Variants in MFN2 observed in about 807,000 individuals in gnomAD.
MFN2 encodes the protein mitofusin-2.
Under a neutral mutation model 87.5 loss-of-function variants are expected in MFN2, and 43 were observed. The observed-to-expected ratio is 0.49, with a 90% CI of 0.38 to 0.63. MFN2 has a LOEUF of 0.63. MFN2 is among the 30% of genes least tolerant of loss of function. The pLI is 0.00. For missense variants in MFN2, 743 were observed against 972.8 expected (o/e 0.76, Z 3.14); for synonymous variants, 337 against 359.9 (o/e 0.94, Z 0.72).
chr1:12,002,738 T>G (rs979506160), intron 11 of MFN2, among the ~76,000 whole-genome samples: 4 of 152,218 alleles, frequency 2.6e-5, no homozygotes, highest in Non-Finnish European at 5.9e-5. Context: ...ATTGACTTTC[T>G]CAGTTGTTTA....
At chr1:11,982,163 CA>C (rs1437416657) in intron 2 of MFN2, 49 bp downstream of exon 2, 2 of 152,218 alleles carry the variant, frequency 1.3e-5, no homozygotes, top group Admixed American at 6.5e-5. Flanking sequence ...GCTGAGTGGA[CA>C]GGGGTGTGCT....
chr1:12,006,951 G>C (rs1569870086), intron 16 of MFN2, 102 bp from the exon 17 acceptor site: 6 of 1,452,916 alleles, frequency 4.1e-6, no homozygotes, highest in Non-Finnish European at 5.8e-6. Flanking sequence ...AAACATGAAG[G>C]CTCCTTGGCT....
chr1:12,009,857 T>C, intron 18 of MFN2, 131 bp downstream of exon 18: 2 of 1,356,998 alleles, frequency 1.5e-6, no homozygotes, highest in Non-Finnish European at 2.0e-6. Context: ...TCATTCGTGT[T>C]AGATGTGTAC....
chr1:11,990,252 C>T (rs998176107), intron 3 of MFN2, among the ~76,000 whole-genome samples: 16 of 152,258 alleles, frequency 1.1e-4, no homozygotes, highest in African/African-American at 3.9e-4. Flanking sequence ...AAGAAAGAGA[C>T]TGTCCAACTT....
intron 2 of MFN2, among the ~76,000 whole-genome samples, chr1:11,988,263 G>A (rs1007292366): frequency 2.6e-5 from 4 of 151,764 alleles, no homozygotes; most frequent in Non-Finnish European, 4.4e-5. Flanking sequence ...CACCACACCC[G>A]GCTATATTTT....
Position 12,007,252 on chromosome 1 carries a change from G to C in MFN2, c.2069+3G>C. ...AACTGCAGCCACCAAGTCCAGCAGT[G>C]AGTGGCCCTGTCGGACCCCAGCAGG... On this transcript the variant is annotated splice_donor_region_variant and intron_variant, in intron 17 of 18. Transcript: ENST00000235329. The C allele has an allele frequency of 6.2e-7, 1 of 1,613,682 alleles. No individual in the cohort carries two copies.
chr1:11,980,691 G>C (rs1645966216), intron 1 of MFN2, among the ~76,000 whole-genome samples: 1 of 152,198 alleles, frequency 6.6e-6, no homozygotes, highest in Non-Finnish European at 1.5e-5. Flanking sequence ...CTGGTCGGTG[G>C]GGTCCCCTGT....
rs902049376 is a variant in MFN2, at chr1:12,012,436, G to A, written c.*871G>A. 4.6e-5 allele frequency: 7 copies of A among 152,710 alleles called. No homozygotes were observed. The highest frequency in any genetic ancestry group is 3.8e-4 in the East Asian group (2 of 5,214). The allele number at this position is 152,710 out of a possible 1,614,324, so 9.5% of individuals were successfully genotyped here. The stretch of plus-strand genomic sequence containing the variant: ...AGGATGGATGGTGGAAGGTGGGGAC[G>A]TTGGTGGCTGGCTGAGGTGCATGGG... On this transcript the variant is annotated 3_prime_UTR_variant, in exon 19 of 19. Coordinates refer to ENST00000235329, the MANE Select transcript of MFN2 (RefSeq NM_014874.4).
Position 11,996,153 on chromosome 1 carries a change from T to C in MFN2, c.312-3T>C. The C allele has an allele frequency of 6.2e-7, 1 of 1,614,182 alleles. No homozygotes were observed. The highest frequency in any genetic ancestry group is 8.5e-7 in the Non-Finnish European group (1 of 1,180,034). On this transcript the variant is annotated splice_region_variant and splice_polypyrimidine_tract_variant and intron_variant, in intron 4 of 18. Transcript: ENST00000235329. The stretch of plus-strand genomic sequence containing the variant: ...TTTGCTGACAGCTGTTACTTCCTTC[T>C]AGGACGAGCAATGGGAAGAGCACCG...
intron 2 of MFN2, among the ~76,000 whole-genome samples, chr1:11,987,254 G>A (rs1638455840): frequency 1.3e-5 from 2 of 151,066 alleles, no homozygotes; most frequent in Admixed American, 1.3e-4. Flanking sequence ...GGAGGTTGTA[G>A]TGAGCTGAGA....
intron 18 of MFN2, 39 bp downstream of exon 18, chr1:12,009,765 G>T: frequency 6.2e-7 from 1 of 1,613,604 alleles, no homozygotes; most frequent in Non-Finnish European, 8.5e-7. Context: ...AGGGCTCCAG[G>T]GTGCAGCCCA....
rs1639321121 is a variant in MFN2 at position 12,004,590 on chromosome 1, G to A, written c.1369G>A (p.Val457Ile). 1 of 1,614,140 alleles carries A rather than the reference G, an allele frequency of 6.2e-7. No homozygotes were observed. The highest frequency in any genetic ancestry group is 1.6e-4 in the Middle Eastern group (1 of 6,062). Residue 457 changes from valine (V) to isoleucine (I), a missense_variant, in exon 13 of 19, where the codon GTA becomes ATA. Physicochemically the swap from Val to Ile is conservative, Grantham distance 29 (BLOSUM62 3). Coordinates refer to ENST00000235329, the MANE Select transcript of MFN2 (RefSeq NM_014874.4). The surrounding 1 kb of genome is among the most constrained non-coding windows in gnomAD (Gnocchi z 4.2). Reference protein sequence around the residue: ...DYQMDFHPSPVVLKVYKNELH... With the variant: ...DYQMDFHPSPIVLKVYKNELH... ...CCAGATGGACTTCCACCCTTCTCCAGTAGTCCTCAAGGTTTATAAGAATGT... is the reference window on the plus strand; with the variant it reads ...CCAGATGGACTTCCACCCTTCTCCAATAGTCCTCAAGGTTTATAAGAATGT...
Position 12,005,857 on chromosome 1 carries a change from G to A in MFN2, c.1642G>A (p.Gly548Arg), listed in dbSNP as rs373368672. 173 of 1,614,016 alleles carry A rather than the reference G, an allele frequency of 1.1e-4. No homozygotes were observed. Among genetic ancestry groups the A allele is most frequent in the Non-Finnish European group, 1.4e-4 (168 of 1,180,040 alleles). The change falls in exon 15 of 19, where the codon GGA becomes AGA. Residue 548 changes from glycine to arginine, a missense_variant. Gly to Arg is a moderately radical substitution (Grantham distance 125, BLOSUM62 -2). Transcript: ENST00000235329. ...AGACATTGAGTTCCATTTCTCTCTC[G>A]GATGGACCATGCTGGTGAATAGGTT... ...QEDIEFHFSLGWTMLVNRFLG... is the reference protein window; with the variant it reads ...QEDIEFHFSLRWTMLVNRFLG...
intron 16 of MFN2, 43 bp from the exon 17 acceptor site, chr1:12,007,010 G>T: frequency 6.2e-7 from 1 of 1,610,602 alleles, no homozygotes. Context: ...AGGAGGGTGG[G>T]CCACAGAGAG....
At chr1:12,010,073 G>GA (rs989960643) in intron 18 of MFN2, among the ~76,000 whole-genome samples, 5 of 152,146 alleles carry the variant, frequency 3.3e-5, no homozygotes, top group African/African-American at 1.2e-4. Flanking sequence ...AGAATGGCTT[G>GA]AACCCAGAAG....
intron 2 of MFN2, among the ~76,000 whole-genome samples, chr1:11,988,352 C>T (rs1361684672): frequency 6.6e-6 from 1 of 151,188 alleles, no homozygotes; most frequent in Admixed American, 6.6e-5. Context: ...ATCCACTTGC[C>T]TCAGCCTCCC....
intron 17 of MFN2, among the ~76,000 whole-genome samples, 168 bp downstream of exon 17, chr1:12,007,417 G>A (rs1639473497): frequency 6.6e-6 from 1 of 152,262 alleles, no homozygotes; most frequent in Non-Finnish European, 1.5e-5. Flanking sequence ...GTCATGGGGA[G>A]AGGGGTCTCC....
intron 8 of MFN2, 82 bp downstream of exon 8, chr1:11,999,177 G>A: frequency 1.8e-6 from 2 of 1,098,098 alleles, no homozygotes; most frequent in Non-Finnish European, 2.8e-6. Flanking sequence ...CTGCACCCCT[G>A]GATCTAGTGA....
chr1:12,011,232 C>G (rs1228744571), intron 18 of MFN2, among the ~76,000 whole-genome samples: 2 of 152,212 alleles, frequency 1.3e-5, no homozygotes. Flanking sequence ...GGGACTTGCA[C>G]ATGGTCCTGG....
Sources: gnomAD v4.1 joint callset for allele counts (sites outside exome capture counted in the v4.1 genomes callset) on GRCh38, gnomAD v4.1.1 for gene constraint, Gnocchi (gnomAD v3.1) non-coding constraint, MANE v1.5 for transcripts, NCBI Gene and HGNC (gene_info 2026-07-23, HGNC 2026-07-21) for gene names.